MRTFB: variants seen among roughly 807,000 people sequenced by gnomAD.
MRTFB encodes the protein myocardin-related transcription factor B.
Under a neutral mutation model 104.2 loss-of-function variants are expected in MRTFB, and 29 were observed. The observed-to-expected ratio is 0.28, with a 90% CI of 0.21 to 0.38. MRTFB has a LOEUF of 0.38. MRTFB is among the 10% of genes least tolerant of loss of function. The pLI is 1.00. For missense variants in MRTFB, 1,270 were observed against 1,341.6 expected (o/e 0.95, Z 0.83); for synonymous variants, 535 against 519.5 (o/e 1.03, Z -0.41).
At chr16:14,001,509 G>A in the MRTFB span, among the ~76,000 whole-genome samples, 1 of 152,222 alleles carries the variant, frequency 6.6e-6, no homozygotes, top group Non-Finnish European at 1.5e-5. Flanking sequence ...GATGGCCCGA[G>A]GTGGGTCCAG....
intron 2 of MRTFB, among the ~76,000 whole-genome samples, chr16:14,122,201 A>T (rs2036880109): frequency 6.7e-6 from 1 of 149,490 alleles, no homozygotes; most frequent in Non-Finnish European, 1.5e-5. Context: ...TTAATTATGT[A>T]TCATGGACAT....
chr16:14,247,626 A>C (rs2043079782), intron 12 of MRTFB, 119 bp downstream of exon 12: 1 of 849,244 alleles, frequency 1.2e-6, no homozygotes, highest in Non-Finnish European at 1.8e-6. Flanking sequence ...CCCCACGGAG[A>C]AAACGTATGC....
intron 2 of MRTFB, among the ~76,000 whole-genome samples, chr16:14,106,334 G>C (rs559328724): frequency 1.3e-5 from 2 of 152,204 alleles, no homozygotes; most frequent in Middle Eastern, 3.2e-3. Context: ...TGGGACGAAG[G>C]TGGTGTTCCT....
chr16:14,118,657 C>T (rs1273170502), intron 2 of MRTFB, among the ~76,000 whole-genome samples: 5 of 151,382 alleles, frequency 3.3e-5, no homozygotes, highest in African/African-American at 7.3e-5. Flanking sequence ...CAAAAATTAG[C>T]CTGGTGTGGT....
chr16:14,227,502 C>G (rs1422719474), intron 8 of MRTFB, among the ~76,000 whole-genome samples: 1 of 151,950 alleles, frequency 6.6e-6, no homozygotes, highest in Non-Finnish European at 1.5e-5. Context: ...AATTATCCAG[C>G]CTCAATTTTT....
chr16:14,114,428 A>G, intron 2 of MRTFB, among the ~76,000 whole-genome samples: 1 of 152,208 alleles, frequency 6.6e-6, no homozygotes, highest in East Asian at 1.9e-4. Flanking sequence ...TGTATTTTCA[A>G]TCTCAATTCC....
intron 2 of MRTFB, among the ~76,000 whole-genome samples, chr16:14,120,540 A>C (rs555567497): frequency 6.6e-6 from 1 of 152,220 alleles, no homozygotes; most frequent in African/African-American, 2.4e-5. Flanking sequence ...CTGATTGCAT[A>C]GTCTTATCTT....
At chr16:14,030,253 G>A in the MRTFB span, among the ~76,000 whole-genome samples, 11 of 152,252 alleles carry the variant, frequency 7.2e-5, no homozygotes, top group African/African-American at 1.7e-4. Flanking sequence ...TGCCCACAGC[G>A]GGTTAGCAAC....
intron 2 of MRTFB, among the ~76,000 whole-genome samples, chr16:14,131,158 C>CT (rs1293916413): frequency 6.6e-6 from 1 of 152,168 alleles, no homozygotes; most frequent in Non-Finnish European, 1.5e-5. Flanking sequence ...GTCCCCATAT[C>CT]TAACTCCAAA....
intron 3 of MRTFB, among the ~76,000 whole-genome samples, chr16:14,208,563 C>G (rs543590977): frequency 6.6e-6 from 1 of 152,318 alleles, no homozygotes; most frequent in African/African-American, 2.4e-5. Context: ...AACCTTTGAT[C>G]TGGAGAACTG....
the MRTFB span, among the ~76,000 whole-genome samples, chr16:14,050,065 T>C: frequency 6.6e-6 from 1 of 152,186 alleles, no homozygotes; most frequent in East Asian, 1.9e-4. Flanking sequence ...GGCAACTGAT[T>C]CTCAAGTGCT....
rs531249100 is a variant in MRTFB at position 14,175,277 on chromosome 16, C to G, written c.154+34517C>G. Reference sequence around the variant, plus strand: ...CCACAATCAAGACAACAAACATTTTCAACACCCTTAGAAATTTCCTCACGC... The same window carrying G: ...CCACAATCAAGACAACAAACATTTTGAACACCCTTAGAAATTTCCTCACGC... On this transcript the variant is annotated intron_variant, in intron 3 of 16. Transcript: ENST00000571589. Among the ~76,000 whole-genome samples, 3 of 152,308 alleles carry G rather than the reference C, an allele frequency of 2.0e-5. No homozygotes were observed. The South Asian group carries it at 6.2e-4, about 32-fold the overall frequency.
chr16:14,139,154 G>A (rs561529858), intron 2 of MRTFB, among the ~76,000 whole-genome samples: 1 of 152,192 alleles, frequency 6.6e-6, no homozygotes, highest in East Asian at 1.9e-4. Flanking sequence ...TAAAATACTT[G>A]TAAATCATAT....
At chr16:13,997,272 T>C in the MRTFB span, among the ~76,000 whole-genome samples, 5 of 152,356 alleles carry the variant, frequency 3.3e-5, no homozygotes, top group East Asian at 9.6e-4. Context: ...CATCATGTAG[T>C]ATCTTTCTGT....
chr16:14,158,681 G>T (rs570520725), intron 3 of MRTFB, among the ~76,000 whole-genome samples: 1 of 152,060 alleles, frequency 6.6e-6, no homozygotes, highest in Non-Finnish European at 1.5e-5. Context: ...CATATGCAAA[G>T]CTAAAAAGAG....
At position 14,265,618 on chromosome 16, in the gene MRTFB, C is replaced by T. The variant is rs964294317; in HGVS notation, c.*4174C>T. Reference sequence around the variant, plus strand: ...CTGTCTGCATGGCAATGAGCAGGTGCGTGTTTTTTCCACATTCGCCCTTTC... The same window carrying T: ...CTGTCTGCATGGCAATGAGCAGGTGTGTGTTTTTTCCACATTCGCCCTTTC... On this transcript the variant is annotated 3_prime_UTR_variant, in exon 17 of 17. Coordinates refer to ENST00000571589, the MANE Select transcript of MRTFB (RefSeq NM_001308142.2). 2 of 152,184 alleles carry T rather than the reference C, an allele frequency of 1.3e-5. No homozygotes were observed. The highest frequency in any genetic ancestry group is 6.5e-5 in the Admixed American group (1 of 15,278). The allele number at this position is 152,184 out of a possible 1,614,324, so 9.4% of individuals were successfully genotyped here. A position where few individuals can be genotyped will look rare whatever the true frequency, so the allele number is the denominator to read the frequency against.
At chr16:14,070,453 G>T (rs1199036695), upstream of MRTFB, among the ~76,000 whole-genome samples, 4 of 152,158 alleles carry the variant, frequency 2.6e-5, no homozygotes, top group African/African-American at 9.7e-5. Flanking sequence ...TCTGTCCTGT[G>T]TGCCATTCCA....
chr16:14,221,003 ATTC>A (rs1481861014), intron 8 of MRTFB, among the ~76,000 whole-genome samples: 1 of 152,178 alleles, frequency 6.6e-6, no homozygotes, highest in Non-Finnish European at 1.5e-5. Context: ...TCTGACAAAG[ATTC>A]TTATTATACT....
chr16:14,176,201 T>G (rs917114626), intron 3 of MRTFB, among the ~76,000 whole-genome samples: 4 of 152,236 alleles, frequency 2.6e-5, no homozygotes, highest in African/African-American at 4.8e-5. Flanking sequence ...GCTTATCAAC[T>G]AGCCTGGACT....
Sources: allele counts gnomAD v4.1 joint callset (sites outside exome capture counted in the v4.1 genomes callset), GRCh38; gene constraint gnomAD v4.1.1; transcripts MANE v1.5; gene names NCBI Gene and HGNC (gene_info 2026-07-23, HGNC 2026-07-21).